Variants in RELN observed in about 807,000 individuals in gnomAD.
RELN encodes reelin.
Under a neutral mutation model 427.6 loss-of-function variants are expected in RELN, and 108 were observed. The ratio of observed to expected loss-of-function variants is 0.25; its 90% CI spans 0.22 to 0.30. The LOEUF is 0.30. Among genes scored for constraint, RELN ranks in the 10% least tolerant of loss-of-function variants. RELN has a pLI of 1.00. For synonymous variants in RELN, 1,524 were observed against 1,513.4 expected (o/e 1.01, Z -0.16); for missense variants, 3,715 against 4,302.8 (o/e 0.86, Z 3.82).
intron 2 of RELN, among the ~76,000 whole-genome samples, chr7:103,911,608 A>T (rs566486476): frequency 7.9e-5 from 12 of 151,464 alleles, no homozygotes; most frequent in East Asian, 6.0e-4. Flanking sequence ...CCAACCCAAA[A>T]GTCCAACAGT....
intron 22 of RELN, among the ~76,000 whole-genome samples, chr7:103,609,765 G>T (rs1025941832): frequency 2.6e-5 from 4 of 152,182 alleles, no homozygotes; most frequent in African/African-American, 9.6e-5. Context: ...AATCTGAGAA[G>T]GTTTATTTAG....
chr7:103,501,949 A>G (rs1316750062), intron 52 of RELN, among the ~76,000 whole-genome samples: 1 of 152,218 alleles, frequency 6.6e-6, no homozygotes, highest in African/African-American at 2.4e-5. Context: ...ATCCTGCCCC[A>G]GTTCTCTGGC....
rs1405992517 is a variant in RELN at position 103,496,788 on chromosome 7, A to G, written c.8951-20T>C. The G allele has an allele frequency of 6.2e-7, 1 of 1,612,796 alleles. No individual in the cohort carries two copies. The highest frequency in any genetic ancestry group is 2.2e-5 in the East Asian group (1 of 44,896). ...TAATTCCTATAATAACAAATATACC[A>G]ACATAGCAATATATCTAGAATCTCC... On this transcript the variant is annotated intron_variant, in intron 55 of 64. Coordinates refer to ENST00000428762, the MANE Select transcript of RELN (RefSeq NM_005045.4).
chr7:103,816,145 G>A (rs944415119), intron 3 of RELN, among the ~76,000 whole-genome samples: 8 of 152,144 alleles, frequency 5.3e-5, no homozygotes, highest in African/African-American at 1.7e-4. Flanking sequence ...TTGGGAGGCC[G>A]AGGTGGGTGG....
At chr7:103,670,549 G>A (rs879259628) in intron 11 of RELN, among the ~76,000 whole-genome samples, 2 of 150,832 alleles carry the variant, frequency 1.3e-5, no homozygotes, top group African/African-American at 2.4e-5. Context: ...GTTTTTTTTT[G>A]GTATCATCAT....
At chr7:103,791,883 A>C (rs1295089469) in intron 3 of RELN, among the ~76,000 whole-genome samples, 1 of 152,192 alleles carries the variant, frequency 6.6e-6, no homozygotes, top group African/African-American at 2.4e-5. Flanking sequence ...CAACTCAATA[A>C]AAAATAAGTA....
Position 103,522,108 on chromosome 7 carries a change from T to C in RELN, c.7582A>G (p.Ser2528Gly). 6.2e-7 allele frequency: 1 copy of C among 1,614,074 alleles called. No homozygotes were observed. Among genetic ancestry groups the C allele is most frequent in the Non-Finnish European group, 8.5e-7 (1 of 1,180,026 alleles). ...CCGTTCACAGTCAGCCAGTTCTGAC[T>C]GGATGGAGCTCGATTGAAGTTGTCT... ...LKDNFNRAPS[S>G]QNWLTVNGGK... The change falls in exon 48 of 65, where the codon AGT becomes GGT. Residue 2528 changes from serine to glycine, a missense_variant. By Grantham distance (56) the Ser-to-Gly change is moderately conservative (BLOSUM62 0). Transcript: ENST00000428762.
Position 103,839,303 on chromosome 7 carries a change from C to CTTTTTTTT in RELN, c.338-5639_338-5632dup, listed in dbSNP as rs34244913. ...CACTATGACTATACAGTGGTCTTTG[C>CTTTTTTTT]TTTTTTTTTTTTTTTTTTTAACATA... On this transcript the variant is annotated intron_variant, in intron 2 of 64. Coordinates refer to ENST00000428762, the MANE Select transcript of RELN (RefSeq NM_005045.4). Among the ~76,000 whole-genome samples, 3 of 121,200 alleles carry CTTTTTTTT rather than the reference C, an allele frequency of 2.5e-5. 1 individual carries two copies. Among genetic ancestry groups the CTTTTTTTT allele is most frequent in the Admixed American group, 1.7e-4 (2 of 11,484 alleles). The allele number at this position is 121,200 out of a possible 152,430, so 79.5% of individuals were successfully genotyped here. A position where few individuals can be genotyped will look rare whatever the true frequency, so the allele number is the denominator to read the frequency against.
At chr7:103,528,484 G>GTT (rs35464860) in intron 46 of RELN, among the ~76,000 whole-genome samples, 69,028 of 148,654 alleles carry the variant, frequency 0.46, 19,708 homozygotes, top group Non-Finnish European at 0.64. Context: ...AACCCTGTGG[G>GTT]TTTTTTTTTT....
chr7:103,987,606 G>C (rs867398281), intron 1 of RELN, among the ~76,000 whole-genome samples: 1 of 152,130 alleles, frequency 6.6e-6, no homozygotes, highest in Non-Finnish European at 1.5e-5. Flanking sequence ...ATCATACCGG[G>C]CAAGAACTTT....
chr7:103,691,328 C>A (rs3753113), intron 10 of RELN, among the ~76,000 whole-genome samples: 7 of 151,628 alleles, frequency 4.6e-5, no homozygotes, highest in African/African-American at 9.7e-5. Flanking sequence ...TTTAGATAGT[C>A]CCCCCCGCCA....
At chr7:103,906,133 G>A (rs906895759) in intron 2 of RELN, among the ~76,000 whole-genome samples, 1 of 152,090 alleles carries the variant, frequency 6.6e-6, no homozygotes, top group African/African-American at 2.4e-5. Flanking sequence ...TGTGGGAAAG[G>A]ACAGCAGGGT....
chr7:103,876,365 G>T (rs1213176692), intron 2 of RELN, among the ~76,000 whole-genome samples: 1 of 152,072 alleles, frequency 6.6e-6, no homozygotes, highest in African/African-American at 2.4e-5. Context: ...TTATCATATT[G>T]TTGAAAGCTC....
chr7:103,773,167 T>TCC lies in RELN; in HGVS notation c.544+3389_544+3390insGG, dbSNP rs1167862976. ...TTCTTTCTTTCTTTCTTTCTTTCTT[T>TCC]TTCTTTCTTTCCTTCTTTCTTTTCT... is the stretch of plus-strand genomic sequence containing the variant. On this transcript the variant is annotated intron_variant, in intron 4 of 64. Coordinates refer to ENST00000428762, the MANE Select transcript of RELN (RefSeq NM_005045.4). 2.4e-5 allele frequency among the ~76,000 whole-genome samples: 3 copies of TCC among 124,740 alleles called. No homozygotes were observed. The Admixed American group carries it at 2.4e-4, about 10-fold the overall frequency. The allele number at this position is 124,740 out of a possible 152,430, so 81.8% of individuals were successfully genotyped here.
chr7:103,740,043 G>A (rs1790602391), intron 6 of RELN, among the ~76,000 whole-genome samples: 1 of 152,116 alleles, frequency 6.6e-6, no homozygotes, highest in Non-Finnish European at 1.5e-5. Context: ...GATATCTGCA[G>A]GAACAGATAG....
At chr7:103,793,640 G>C (rs1792222330) in intron 3 of RELN, among the ~76,000 whole-genome samples, 1 of 152,190 alleles carries the variant, frequency 6.6e-6, no homozygotes, top group African/African-American at 2.4e-5. Context: ...AACTTTAGAG[G>C]CTAGTGAAAA....
chr7:103,493,997 A>C (rs577141150), intron 57 of RELN, among the ~76,000 whole-genome samples: 9 of 152,310 alleles, frequency 5.9e-5, no homozygotes, highest in Admixed American at 5.9e-4. Flanking sequence ...CAGAAGTAAC[A>C]AAAGAGGAGG....
intron 4 of RELN, among the ~76,000 whole-genome samples, chr7:103,763,633 G>A (rs1251592091): frequency 6.6e-6 from 1 of 152,206 alleles, no homozygotes; most frequent in East Asian, 1.9e-4. Flanking sequence ...AGGGAAAGGA[G>A]TTGGCATATA....
chr7:103,766,313 G>C (rs1399126626), intron 4 of RELN, among the ~76,000 whole-genome samples: 2 of 152,126 alleles, frequency 1.3e-5, no homozygotes, highest in East Asian at 3.9e-4. Context: ...CTTAACACTG[G>C]GCACATTCAA....
Sources: gnomAD v4.1 joint callset for allele counts (sites outside exome capture counted in the v4.1 genomes callset) on GRCh38, gnomAD v4.1.1 for gene constraint, MANE v1.5 for transcripts, NCBI Gene and HGNC (gene_info 2026-07-23, HGNC 2026-07-21) for gene names.